DMD: variants seen among roughly 807,000 people sequenced by gnomAD.
DMD encodes the protein dystrophin, also known as mutant dystrophin.
Under a neutral mutation model 330.1 loss-of-function variants are expected in DMD, and 63 were observed. That is an observed-to-expected ratio of 0.19 (90% confidence interval 0.16 to 0.24). DMD has a LOEUF of 0.24. Ranked by LOEUF, DMD falls within the 10% of genes least tolerant of loss-of-function variation. The pLI, the probability that DMD is intolerant of heterozygous loss-of-function variation, is 1.00. For missense variants in DMD, 3,344 were observed against 2,684.1 expected (o/e 1.25, Z -5.43); for synonymous variants, 1,223 against 959.8 (o/e 1.27, Z -5.07).
chrX:32,864,986 A>G (rs1245712296), intron 2 of DMD, among the ~76,000 whole-genome samples: 1 of 111,969 alleles, frequency 8.9e-6, no homozygotes, highest in African/African-American at 3.2e-5. Context: ...AAAGTCTTCC[A>G]TGTGAGATTC....
At chrX:32,498,616 G>T (rs1178898817) in intron 19 of DMD, among the ~76,000 whole-genome samples, 1 of 111,337 alleles carries the variant, frequency 9.0e-6, no homozygotes, top group African/African-American at 3.3e-5. Context: ...ATCTCTTACG[G>T]TCAATAAACT....
In DMD at chrX:32,470,635, C is replaced by T. The variant is rs147144376; in HGVS notation, c.2949+1529G>A. Among the ~76,000 whole-genome samples, 67 of 111,091 alleles carry T rather than the reference C, an allele frequency of 6.0e-4. 4 individuals are homozygous for T. The East Asian group carries it at 0.018, about 29-fold the overall frequency. On this transcript the variant is annotated intron_variant, in intron 22 of 78. Transcript: ENST00000357033. The stretch of plus-strand genomic sequence containing the variant: ...TTAAAAGTTTACTAGTTCTATTAGG[C>T]AACACATTTTTCCAGATAGACTTTG...
intron 49 of DMD, among the ~76,000 whole-genome samples, chrX:31,836,006 G>A (rs770527125): frequency 5.4e-5 from 6 of 111,625 alleles, no homozygotes; most frequent in African/African-American, 2.0e-4. Flanking sequence ...TACTGCTAAC[G>A]TATATTTAGC....
chrX:31,534,926 A>G (rs1248631510), intron 55 of DMD, among the ~76,000 whole-genome samples: 2 of 52,293 alleles, frequency 3.8e-5, no homozygotes, highest in African/African-American at 1.7e-4. Context: ...AATCCAACTT[A>G]CAAGGGATGT....
At chrX:31,662,819 G>C (rs1440644893) in intron 53 of DMD, among the ~76,000 whole-genome samples, 1 of 111,860 alleles carries the variant, frequency 8.9e-6, no homozygotes, top group Non-Finnish European at 1.9e-5. Context: ...TCAAGCAATT[G>C]CTCGGAAAAT....
At chrX:32,819,848 TAAAAAAA>T (rs35344665) in intron 5 of DMD, among the ~76,000 whole-genome samples, 1 of 81,017 alleles carries the variant, frequency 1.2e-5, no homozygotes, top group African/African-American at 4.3e-5. Context: ...AATGTTGGTG[TAAAAAAA>T]AAAAAAAAAA....
intron 29 of DMD, among the ~76,000 whole-genome samples, chrX:32,412,594 G>A (rs554599582): frequency 9.0e-6 from 1 of 111,500 alleles, no homozygotes; most frequent in African/African-American, 3.3e-5. Flanking sequence ...AGTATGATTA[G>A]GATAATTCAA....
At chrX:32,518,410 T>A (rs2046075947) in intron 17 of DMD, among the ~76,000 whole-genome samples, 1 of 109,846 alleles carries the variant, frequency 9.1e-6, no homozygotes, top group Admixed American at 9.9e-5. Context: ...AGCCTCTGCT[T>A]GAATGTTTCC....
intron 2 of DMD, among the ~76,000 whole-genome samples, chrX:32,912,928 A>G (rs372206100): frequency 5.3e-5 from 6 of 112,452 alleles, no homozygotes; most frequent in African/African-American, 1.9e-4. Flanking sequence ...GTAATAAGAT[A>G]TTTTTAAAAG....
intron 7 of DMD, among the ~76,000 whole-genome samples, chrX:32,770,464 T>C (rs748168589): frequency 8.9e-6 from 1 of 111,913 alleles, no homozygotes; most frequent in Non-Finnish European, 1.9e-5. Flanking sequence ...AATGTTTACG[T>C]GTTCTTGGAG....
chrX:31,789,032 G>A (rs902883664), intron 50 of DMD, among the ~76,000 whole-genome samples: 6 of 110,761 alleles, frequency 5.4e-5, no homozygotes, highest in African/African-American at 1.3e-4. Context: ...AATCCATTTG[G>A]CCACTCTATC....
At chrX:32,374,518 A>G (rs73462102) in intron 34 of DMD, among the ~76,000 whole-genome samples, 5,084 of 111,330 alleles carry the variant, frequency 0.046, 162 homozygotes, top group African/African-American at 0.12. Context: ...ATTCCTCTAT[A>G]TATGGCTAGC....
chrX:32,679,452 T>C (rs772831990), intron 9 of DMD, among the ~76,000 whole-genome samples: 1 of 111,582 alleles, frequency 9.0e-6, no homozygotes, highest in African/African-American at 3.2e-5. Context: ...ACCCAACTCT[T>C]TCTGGTTTTT....
intron 60 of DMD, among the ~76,000 whole-genome samples, chrX:31,408,909 A>G (rs1232873377): frequency 1.8e-5 from 2 of 111,235 alleles, no homozygotes; most frequent in Admixed American, 1.9e-4. Context: ...AGCGTTACGT[A>G]TATCTCCTAA....
intron 30 of DMD, among the ~76,000 whole-genome samples, chrX:32,399,054 C>A (rs1040882295): frequency 8.9e-6 from 1 of 111,810 alleles, no homozygotes; most frequent in African/African-American, 3.3e-5. Flanking sequence ...AAAACCAGAC[C>A]TCTATCTTGA....
At chrX:31,946,096 G>A (rs2095082433) in intron 45 of DMD, among the ~76,000 whole-genome samples, 1 of 112,052 alleles carries the variant, frequency 8.9e-6, no homozygotes. Context: ...AAGAACAAAA[G>A]CACTTACAGT....
chrX:31,227,640 G>C (rs1431309538), intron 63 of DMD, among the ~76,000 whole-genome samples: 1 of 111,137 alleles, frequency 9.0e-6, no homozygotes, highest in Non-Finnish European at 1.9e-5. Flanking sequence ...TGTGAAGAAA[G>C]TCATTGGTAG....
chrX:32,364,645 C>A lies in DMD; in HGVS notation c.5091G>T (p.Gln1697His), dbSNP rs766504075. ...NVDHITKWII[Q>H]ADTLLDESEK... The stretch of plus-strand genomic sequence containing the variant: ...CTGATTCATCCAAAAGTGTGTCAGC[C>A]TGAATGATCCACTTTGTGATGTGGT... The change falls in exon 36 of 79, where the codon CAG becomes CAT. Residue 1697 changes from glutamine (Q) to histidine (H), a missense_variant. Coordinates refer to ENST00000357033, the MANE Select transcript of DMD (RefSeq NM_004006.3). The A allele has an allele frequency of 2.3e-5, 28 of 1,208,091 alleles. No homozygotes were observed. The highest frequency in any genetic ancestry group is 3.1e-5 in the Non-Finnish European group (28 of 893,845).
intron 44 of DMD, among the ~76,000 whole-genome samples, chrX:32,101,402 A>G (rs2096539036): frequency 9.0e-6 from 1 of 111,517 alleles, no homozygotes; most frequent in Non-Finnish European, 1.9e-5. Flanking sequence ...AAAGTCATGT[A>G]GTGGGCATAG....
Sources: allele counts gnomAD v4.1 joint callset (sites outside exome capture counted in the v4.1 genomes callset), GRCh38; gene constraint gnomAD v4.1.1; transcripts MANE v1.5; gene names NCBI Gene and HGNC (gene_info 2026-07-23, HGNC 2026-07-21).